Variants in HECTD4 observed in about 807,000 individuals in gnomAD.
The protein encoded by HECTD4 is HECT domain E3 ubiquitin protein ligase 4, also known as probable E3 ubiquitin-protein ligase HECTD4.
HECTD4 carries 114 observed loss-of-function variants against 471.5 expected under a neutral mutation model. The observed-to-expected ratio is 0.24, with a 90% CI of 0.21 to 0.28. The LOEUF (loss-of-function observed/expected upper bound fraction) is 0.28, where lower values mean the gene tolerates loss of function less well. Among genes scored for constraint, HECTD4 ranks in the 10% least tolerant of loss-of-function variants. HECTD4 has a pLI of 1.00. For synonymous variants in HECTD4, 2,012 were observed against 2,256.0 expected (o/e 0.89, Z 3.07); for missense variants, 3,866 against 5,651.5 (o/e 0.68, Z 10.13).
At position 112,246,949 on chromosome 12, in the gene HECTD4, G is replaced by T. The variant is rs2033777536; in HGVS notation, c.4465C>A (p.Gln1489Lys). 6.2e-7 allele frequency: 1 copy of T among 1,612,186 alleles called. No homozygotes were observed. Among genetic ancestry groups the T allele is most frequent in the African/African-American group, 1.3e-5 (1 of 74,950 alleles). The change falls in exon 29 of 76, where the codon CAG (glutamine) becomes AAG (lysine). Residue 1489 changes from glutamine (Q) to lysine (K), a missense_variant. Physicochemically the swap from Gln to Lys is moderately conservative, Grantham distance 53. Transcript: ENST00000682272. The stretch of plus-strand genomic sequence containing the variant: ...GAGATGCTTCTCGTGAGGCCCGACT[G>T]GGCTGCGATGGTGACATGCAGCAAC... ...ELLLHVTIAA[Q>K]SGLTRSISGT... is the part of the protein sequence containing the mutation.
At chr12:112,341,153 T>C (rs1379801974) in intron 1 of HECTD4, among the ~76,000 whole-genome samples, 2 of 152,362 alleles carry the variant, frequency 1.3e-5, no homozygotes, top group East Asian at 3.9e-4. Flanking sequence ...AAATATTTAC[T>C]GAATGAGCAG....
rs545578329 is a variant in HECTD4, at chr12:112,216,461, G to T, written c.7386-90C>A. The T allele has an allele frequency of 4.6e-6, 4 of 870,264 alleles. No individual in the cohort carries two copies. In the South Asian group the frequency reaches 5.9e-5, roughly 13 times the overall value. The allele number at this position is 870,264 out of a possible 1,614,324, so 53.9% of individuals were successfully genotyped here. A position where few individuals can be genotyped will look rare whatever the true frequency, so the allele number is the denominator to read the frequency against. ...AACAGGGAAGTGGTGAAGTGGAGGGGGGGTGGTCAGCATTGTGAGATTATT... is the reference window on the plus strand; with the variant it reads ...AACAGGGAAGTGGTGAAGTGGAGGGTGGGTGGTCAGCATTGTGAGATTATT... On this transcript the variant is annotated intron_variant, in intron 47 of 75. Transcript: ENST00000682272.
chr12:112,203,457 G>GT (rs2032489000), intron 54 of HECTD4, 179 bp downstream of exon 54: 2 of 523,922 alleles, frequency 3.8e-6, no homozygotes, highest in Non-Finnish European at 3.3e-6. Context: ...CCTGATCTGA[G>GT]TCCCTGAGGA....
intron 20 of HECTD4, 143 bp downstream of exon 20, chr12:112,258,353 G>A (rs2034070400): frequency 3.7e-6 from 2 of 539,006 alleles, no homozygotes; most frequent in East Asian, 6.8e-5. Context: ...CAATGCTACA[G>A]TTATCTAAAA....
intron 7 of HECTD4, among the ~76,000 whole-genome samples, chr12:112,295,901 A>G (rs1480236859): frequency 2.0e-5 from 3 of 151,806 alleles, no homozygotes; most frequent in Admixed American, 6.6e-5. Context: ...GCCTTAAGCT[A>G]TCCTCCCACC....
rs2036902967 is a variant in HECTD4, at chr12:112,381,923, T to G, written c.177+29A>C. 1 of 1,219,776 alleles carries G rather than the reference T, an allele frequency of 8.2e-7. No individual in the cohort carries two copies. The highest frequency in any genetic ancestry group is 1.6e-5 in the African/African-American group (1 of 63,688). 75.6% of individuals were successfully genotyped at this position (1,219,776 alleles called of 1,614,324 possible). On this transcript the variant is annotated intron_variant, in intron 1 of 75. Coordinates refer to ENST00000682272, the MANE Select transcript of HECTD4 (RefSeq NM_001388303.1). This position sits in a 1 kb window ranked among gnomAD's most constrained non-coding sequence, Gnocchi z 4.1. ...GTGCCGGGCGAGTGGGTCAGTCCGA[T>G]GGCGGGGGCCGGGGGCCGCCTCGCT...
intron 1 of HECTD4, among the ~76,000 whole-genome samples, chr12:112,356,007 C>G (rs998352419): frequency 2.0e-5 from 3 of 151,936 alleles, no homozygotes; most frequent in Admixed American, 2.0e-4. Flanking sequence ...GAATTTCTAG[C>G]GGGGTGATAA....
intron 11 of HECTD4, among the ~76,000 whole-genome samples, chr12:112,272,787 C>T (rs2034442880): frequency 1.3e-5 from 2 of 152,046 alleles, no homozygotes; most frequent in South Asian, 4.1e-4. Flanking sequence ...GTTTGTTTGC[C>T]ACCAAGATGA....
intron 1 of HECTD4, among the ~76,000 whole-genome samples, chr12:112,355,320 G>A (rs1329971136): frequency 6.6e-6 from 1 of 150,720 alleles, no homozygotes; most frequent in African/African-American, 2.4e-5. Context: ...TGTGGGCCAG[G>A]CACGGTGGCC....
At position 112,173,491 on chromosome 12, in the gene HECTD4, G is replaced by A. The variant is rs1294907658; in HGVS notation, c.11595-630C>T. On this transcript the variant is annotated intron_variant, in intron 66 of 75. Coordinates refer to ENST00000682272, the MANE Select transcript of HECTD4 (RefSeq NM_001388303.1). This position sits in a 1 kb window ranked among gnomAD's most constrained non-coding sequence, Gnocchi z 4.3. Reference sequence around the variant, plus strand: ...TGCAAGCTCTGCCTCCTGGGTTCACGCCATTCTTCTGCCTCAGCCTCCTGA... The same window carrying A: ...TGCAAGCTCTGCCTCCTGGGTTCACACCATTCTTCTGCCTCAGCCTCCTGA... Among the ~76,000 whole-genome samples, 2 of 151,960 alleles carry A rather than the reference G, an allele frequency of 1.3e-5. No individual in the cohort carries two copies. Among genetic ancestry groups the A allele is most frequent in the Non-Finnish European group, 2.9e-5 (2 of 68,024 alleles).
At chr12:112,170,906 T>G (rs969770862) in intron 68 of HECTD4, 9 of 526,698 alleles carry the variant, frequency 1.7e-5, no homozygotes, top group Non-Finnish European at 3.0e-5. Flanking sequence ...AATAATTTTA[T>G]TTTTCAGAGC....
intron 55 of HECTD4, among the ~76,000 whole-genome samples, chr12:112,198,231 G>C (rs1050545493): frequency 6.6e-6 from 1 of 152,198 alleles, no homozygotes; most frequent in Non-Finnish European, 1.5e-5. Flanking sequence ...GACAAAGAGC[G>C]CATGGACAGT....
Position 112,270,425 on chromosome 12 carries a change from T to A in HECTD4, c.1977A>T (p.Gln659His). 1 of 1,614,020 alleles carries A rather than the reference T, an allele frequency of 6.2e-7. No homozygotes were observed. The highest frequency in any genetic ancestry group is 8.5e-7 in the Non-Finnish European group (1 of 1,179,882). ...EAITTNEVIN[Q>H]LLHHVGAMCI... Reference sequence around the variant, plus strand: ...ACATCGCACCAACGTGGTGCAATAATTGGTTTATAACCTCATTCGTGGTTA... The same window carrying A: ...ACATCGCACCAACGTGGTGCAATAAATGGTTTATAACCTCATTCGTGGTTA... The change falls in exon 12 of 76, where the codon CAA becomes CAT. Residue 659 changes from glutamine (Q) to histidine (H), a missense_variant. By Grantham distance (24) the Gln-to-His change is conservative (BLOSUM62 0). Around this residue, in one of 16 missense-constraint regions of HECTD4, gnomAD observed 525 missense variants for 672.6 expected, o/e 0.78. Transcript: ENST00000682272.
intron 55 of HECTD4, among the ~76,000 whole-genome samples, chr12:112,199,648 C>T (rs933852985): frequency 6.6e-6 from 1 of 152,174 alleles, no homozygotes; most frequent in Non-Finnish European, 1.5e-5. Flanking sequence ...CAATGGTGAA[C>T]ATGAGGGAGC....
intron 3 of HECTD4, among the ~76,000 whole-genome samples, chr12:112,313,814 C>T (rs1038224174): frequency 5.3e-5 from 8 of 151,990 alleles, no homozygotes; most frequent in Admixed American, 2.6e-4. Context: ...TAAAAAATTA[C>T]GAAGCTATGT....
At chr12:112,165,947 ACCCCT>A (rs1436905479) in intron 72 of HECTD4, among the ~76,000 whole-genome samples, 2 of 151,916 alleles carry the variant, frequency 1.3e-5, no homozygotes, top group African/African-American at 4.8e-5. Context: ...CAACCTCCCT[ACCCCT>A]TCACCGCAGA....
intron 1 of HECTD4, among the ~76,000 whole-genome samples, chr12:112,335,820 TAAA>T: frequency 6.6e-6 from 1 of 152,022 alleles, no homozygotes; most frequent in South Asian, 2.1e-4. Flanking sequence ...CCTATGGAAA[TAAA>T]AAATAAAAAT....
rs144434923 is a variant in HECTD4, at chr12:112,241,232, C to A, written c.4959-1205G>T. Reference sequence around the variant, plus strand: ...AATAATCGAGGGAAAAGGAATAGTGCTGCCAGTTTTATGGAGAAATTAAAT... The same window carrying A: ...AATAATCGAGGGAAAAGGAATAGTGATGCCAGTTTTATGGAGAAATTAAAT... On this transcript the variant is annotated intron_variant, in intron 32 of 75. Coordinates refer to ENST00000682272, the MANE Select transcript of HECTD4 (RefSeq NM_001388303.1). 3.3e-3 allele frequency among the ~76,000 whole-genome samples: 507 copies of A among 152,182 alleles called. 5 individuals are homozygous for A. Among genetic ancestry groups the A allele is most frequent in the Non-Finnish European group, 4.9e-3 (330 of 68,014 alleles).
At chr12:112,367,836 A>AAAC (rs2036595977) in intron 1 of HECTD4, among the ~76,000 whole-genome samples, 1 of 149,700 alleles carries the variant, frequency 6.7e-6, no homozygotes, top group South Asian at 2.1e-4. Context: ...AAAAAAAAAA[A>AAAC]AAAAAAAAAA....
Sources: gnomAD v4.1 joint callset for allele counts (sites outside exome capture counted in the v4.1 genomes callset) on GRCh38, gnomAD v4.1.1 for gene constraint, gnomAD v4.1.1 regional missense constraint, Gnocchi (gnomAD v3.1) non-coding constraint, MANE v1.5 for transcripts, NCBI Gene and HGNC (gene_info 2026-07-23, HGNC 2026-07-21) for gene names.